Variants in IMMP1L observed in about 807,000 individuals in gnomAD.
IMMP1L encodes mitochondrial inner membrane protease subunit 1.
Under a neutral mutation model 21.8 loss-of-function variants are expected in IMMP1L, and 24 were observed. The ratio of observed to expected loss-of-function variants is 1.10; its 90% CI spans 0.80 to 1.55. IMMP1L has a LOEUF of 1.55. Ranked by LOEUF, IMMP1L falls within the 40% of genes most tolerant of loss-of-function variation. The pLI is 0.00. For synonymous variants in IMMP1L, 46 were observed against 62.8 expected (o/e 0.73, Z 1.26); for missense variants, 195 against 200.7 (o/e 0.97, Z 0.17).
intron 1 of IMMP1L, among the ~76,000 whole-genome samples, chr11:31,499,809 G>A (rs1412545584): frequency 6.6e-6 from 1 of 151,890 alleles, no homozygotes; most frequent in Non-Finnish European, 1.5e-5. Flanking sequence ...TTTACCATCT[G>A]GTCCCAGAAA....
chr11:31,466,980 TTA>T (rs1954378817), intron 1 of IMMP1L, among the ~76,000 whole-genome samples: 1 of 152,164 alleles, frequency 6.6e-6, no homozygotes, highest in Non-Finnish European at 1.5e-5. Flanking sequence ...GATTTGATCA[TTA>T]TATACTGTAT....
At chr11:31,465,029 T>C (rs1474770211) in intron 1 of IMMP1L, among the ~76,000 whole-genome samples, 2 of 152,072 alleles carry the variant, frequency 1.3e-5, no homozygotes, top group Non-Finnish European at 2.9e-5. Context: ...TGATCTTATA[T>C]ATAGAAAAAC....
intron 1 of IMMP1L, among the ~76,000 whole-genome samples, chr11:31,508,684 C>T (rs1377421686): frequency 6.6e-6 from 1 of 152,118 alleles, no homozygotes; most frequent in Admixed American, 6.5e-5. Flanking sequence ...TAAAAGGTAT[C>T]ACAGATCACT....
In IMMP1L at chr11:31,433,572, T is replaced by C; in HGVS notation, c.322-2A>G. The C allele has an allele frequency of 6.3e-7, 1 of 1,582,710 alleles. No individual in the cohort carries two copies. Among genetic ancestry groups the C allele is most frequent in the Non-Finnish European group, 8.6e-7 (1 of 1,156,328 alleles). ...TAACCAAACATGACCCATTGGCACC[T>C]AGAATTAGAGAAGAAATGCAGCCTC... is the stretch of plus-strand genomic sequence containing the variant. On this transcript the variant is annotated splice_acceptor_variant, in intron 4 of 5. Coordinates refer to ENST00000532287, the MANE Select transcript of IMMP1L (RefSeq NM_001304274.2). LOFTEE classifies it high-confidence loss of function.
intron 1 of IMMP1L, among the ~76,000 whole-genome samples, chr11:31,496,363 G>A (rs1362102802): frequency 2.6e-5 from 4 of 152,086 alleles, no homozygotes; most frequent in South Asian, 2.1e-4. Flanking sequence ...TAACCCTTCC[G>A]CACTCCTGGT....
intron 4 of IMMP1L, among the ~76,000 whole-genome samples, chr11:31,448,567 A>G (rs1486852272): frequency 6.6e-6 from 1 of 152,224 alleles, no homozygotes; most frequent in African/African-American, 2.4e-5. Context: ...GCCTCTCTAG[A>G]TTCATACCAA....
At chr11:31,460,253 T>A (rs1954091603) in intron 3 of IMMP1L, among the ~76,000 whole-genome samples, 1 of 152,164 alleles carries the variant, frequency 6.6e-6, no homozygotes, top group African/African-American at 2.4e-5. Flanking sequence ...AACTACAGGA[T>A]TATTTTTAAA....
intron 3 of IMMP1L, among the ~76,000 whole-genome samples, chr11:31,457,695 T>C (rs1485814624): frequency 6.6e-6 from 1 of 152,024 alleles, no homozygotes; most frequent in Non-Finnish European, 1.5e-5. Flanking sequence ...GCTTGGGAGG[T>C]AAGACAAAAT....
rs1330154260 is a variant in IMMP1L, at chr11:31,436,630, C to G, written c.322-3060G>C. Among the ~76,000 whole-genome samples, 6 of 152,038 alleles carry G rather than the reference C, an allele frequency of 3.9e-5. No homozygotes were observed. The South Asian group carries it at 6.2e-4, about 16-fold the overall frequency. ...CTATTTCAGTAGAGACAGGGTTTCA[C>G]CATGTTGGCCAGGCTGGTCTTGAAC... On this transcript the variant is annotated intron_variant, in intron 4 of 5. Coordinates refer to ENST00000532287, the MANE Select transcript of IMMP1L (RefSeq NM_001304274.2).
At chr11:31,435,414 A>AT (rs1953085180) in intron 4 of IMMP1L, among the ~76,000 whole-genome samples, 1 of 152,162 alleles carries the variant, frequency 6.6e-6, no homozygotes, top group Admixed American at 6.5e-5. Context: ...AGTTTTTACT[A>AT]TTTTATACCA....
intron 1 of IMMP1L, among the ~76,000 whole-genome samples, chr11:31,490,444 C>A (rs1217916130): frequency 1.3e-5 from 2 of 150,944 alleles, no homozygotes; most frequent in East Asian, 3.9e-4. Flanking sequence ...TGCACTCCAG[C>A]CTGGTGACAA....
intron 1 of IMMP1L, among the ~76,000 whole-genome samples, chr11:31,476,957 G>A (rs1954749701): frequency 6.6e-6 from 1 of 152,062 alleles, no homozygotes; most frequent in African/African-American, 2.4e-5. Context: ...TAAAGGAAAA[G>A]TTACTAAGAA....
chr11:31,464,271 C>T (rs1267781811), intron 1 of IMMP1L, among the ~76,000 whole-genome samples: 1 of 151,726 alleles, frequency 6.6e-6, no homozygotes, highest in Non-Finnish European at 1.5e-5. Context: ...ATTATCATCA[C>T]AAAGTTGGCA....
At chr11:31,432,811 G>A (rs1372430212) in intron 5 of IMMP1L, among the ~76,000 whole-genome samples, 1 of 152,196 alleles carries the variant, frequency 6.6e-6, no homozygotes, top group African/African-American at 2.4e-5. Flanking sequence ...TGTGTGTGGT[G>A]TGTGAATAAA....
chr11:31,502,974 C>T (rs1364338464), intron 1 of IMMP1L, among the ~76,000 whole-genome samples: 1 of 152,170 alleles, frequency 6.6e-6, no homozygotes, highest in African/African-American at 2.4e-5. Flanking sequence ...TATTACACTG[C>T]ACATTCTAAC....
intron 1 of IMMP1L, among the ~76,000 whole-genome samples, chr11:31,491,033 G>T (rs1018179874): frequency 5.9e-5 from 9 of 152,168 alleles, no homozygotes; most frequent in Non-Finnish European, 1.0e-4. Context: ...AATAAACATA[G>T]CTGACAACTT....
intron 1 of IMMP1L, among the ~76,000 whole-genome samples, chr11:31,505,948 G>A (rs891524163): frequency 6.6e-6 from 1 of 152,190 alleles, no homozygotes; most frequent in Non-Finnish European, 1.5e-5. Flanking sequence ...GCATCCAGTA[G>A]TCAAAAGTAG....
chr11:31,501,827 A>G (rs565648382), intron 1 of IMMP1L, among the ~76,000 whole-genome samples: 1 of 151,570 alleles, frequency 6.6e-6, no homozygotes, highest in South Asian at 2.1e-4. Flanking sequence ...ATAAATAAAT[A>G]AATAGCTGGG....
At chr11:31,507,095 C>T (rs1389849237) in intron 1 of IMMP1L, among the ~76,000 whole-genome samples, 1 of 151,922 alleles carries the variant, frequency 6.6e-6, no homozygotes, top group Non-Finnish European at 1.5e-5. Context: ...CTGGCTAACA[C>T]GGTGAAACCC....
Sources: gnomAD v4.1 joint callset for allele counts (sites outside exome capture counted in the v4.1 genomes callset) on GRCh38, gnomAD v4.1.1 for gene constraint, MANE v1.5 for transcripts, NCBI Gene and HGNC (gene_info 2026-07-23, HGNC 2026-07-21) for gene names.